The following ADAMTS2 variants were observed in gnomAD, a reference collection of about 807,000 sequenced individuals.
The protein encoded by ADAMTS2 is ADAM metallopeptidase with thrombospondin type 1 motif 2, also known as A disintegrin and metalloproteinase with thrombospondin motifs 2.
In ADAMTS2, 50 loss-of-function variants were observed where a neutral mutation model predicts 123.0. That is an observed-to-expected ratio of 0.41 (90% CI 0.32 to 0.51). The LOEUF (loss-of-function observed/expected upper bound fraction) is 0.51, where lower values mean the gene tolerates loss of function less well. Ranked by LOEUF, ADAMTS2 falls within the 20% of genes least tolerant of loss-of-function variation. ADAMTS2 has a pLI of 0.35. For missense variants in ADAMTS2, 1,494 were observed against 1,705.2 expected, an observed-to-expected ratio of 0.88 and a Z score of 2.18; for synonymous variants, 678 against 695.4, an observed-to-expected ratio of 0.98 and a Z score of 0.39.
chr5:179,216,702 G>A (rs1038426070), intron 3 of ADAMTS2, among the ~76,000 whole-genome samples: 4 of 152,246 alleles, frequency 2.6e-5, no homozygotes, highest in Admixed American at 1.3e-4. Context: ...GGGCAGTGCC[G>A]CCCTCTCCTT....
At position 179,189,725 on chromosome 5, in the gene ADAMTS2, A is replaced by C. The variant is rs539179807; in HGVS notation, c.892-8570T>G. 6.7e-6 allele frequency among the ~76,000 whole-genome samples: 1 copy of C among 150,354 alleles called. No homozygotes were observed. Among genetic ancestry groups the C allele is most frequent in the South Asian group, 2.1e-4 (1 of 4,714 alleles). On this transcript the variant is annotated intron_variant, in intron 4 of 21. Transcript: ENST00000251582. This position sits in a 1 kb window ranked among gnomAD's most constrained non-coding sequence, Gnocchi z 4.2. The stretch of plus-strand genomic sequence containing the variant: ...ATTCTCAAGGGCGGAAGAATATTAC[A>C]AAATATCTTCTTAAGGTAGGGGGGG...
intron 3 of ADAMTS2, among the ~76,000 whole-genome samples, chr5:179,226,327 C>T (rs1370636947): frequency 1.4e-5 from 2 of 147,324 alleles, no homozygotes; most frequent in East Asian, 2.1e-4. Flanking sequence ...AGTACAGTGG[C>T]GTGATCTCAG....
At chr5:179,149,620 G>A (rs1017695171) in intron 10 of ADAMTS2, among the ~76,000 whole-genome samples, 1 of 152,218 alleles carries the variant, frequency 6.6e-6, no homozygotes, top group African/African-American at 2.4e-5. Flanking sequence ...TGACCACTCA[G>A]GGTCCTTGCG....
intron 6 of ADAMTS2, among the ~76,000 whole-genome samples, chr5:179,156,966 T>G (rs536029037): frequency 6.9e-6 from 1 of 145,084 alleles, no homozygotes; most frequent in African/African-American, 2.5e-5. Context: ...TTTTTCTTTT[T>G]TTTTTTTTTT....
chr5:179,196,252 CA>C (rs112746849), intron 4 of ADAMTS2, among the ~76,000 whole-genome samples: 1 of 151,572 alleles, frequency 6.6e-6, no homozygotes, highest in Non-Finnish European at 1.5e-5. Context: ...ATCATTCATT[CA>C]AAAAAAACGG....
intron 5 of ADAMTS2, among the ~76,000 whole-genome samples, chr5:179,167,507 C>T (rs1763727520): frequency 6.6e-6 from 1 of 152,234 alleles, no homozygotes; most frequent in Non-Finnish European, 1.5e-5. Context: ...ATGCTCTTCC[C>T]TCCTTCAGTC....
At chr5:179,195,991 G>C (rs1426641078) in intron 4 of ADAMTS2, among the ~76,000 whole-genome samples, 3 of 152,194 alleles carry the variant, frequency 2.0e-5, no homozygotes, top group African/African-American at 7.2e-5. Context: ...CCTTCCGCCT[G>C]GCTGGTTTGC....
intron 2 of ADAMTS2, among the ~76,000 whole-genome samples, chr5:179,305,219 G>A (rs1209368539): frequency 6.6e-6 from 1 of 152,152 alleles, no homozygotes; most frequent in East Asian, 1.9e-4. Context: ...TCTTCAGACA[G>A]GGGGAAAATG....
chr5:179,163,961 C>G (rs550461423), intron 5 of ADAMTS2, among the ~76,000 whole-genome samples: 1 of 152,022 alleles, frequency 6.6e-6, no homozygotes, highest in East Asian at 1.9e-4. Flanking sequence ...GGAAGCTGCA[C>G]TGGGGCCAGG....
intron 2 of ADAMTS2, among the ~76,000 whole-genome samples, chr5:179,295,056 C>T (rs1756291681): frequency 6.6e-6 from 1 of 152,194 alleles, no homozygotes; most frequent in African/African-American, 2.4e-5. Context: ...AAAACCAGGC[C>T]TTGAGCACCC....
At chr5:179,297,593 C>G (rs1020889152) in intron 2 of ADAMTS2, among the ~76,000 whole-genome samples, 1 of 152,148 alleles carries the variant, frequency 6.6e-6, no homozygotes, top group African/African-American at 2.4e-5. Context: ...CCTCAAGACC[C>G]CGGCTTCCCT....
intron 2 of ADAMTS2, among the ~76,000 whole-genome samples, chr5:179,326,955 A>T (rs1378025465): frequency 1.3e-5 from 2 of 152,188 alleles, no homozygotes; most frequent in African/African-American, 2.4e-5. Flanking sequence ...AGAAACTCTC[A>T]GGTGCCTACA....
intron 2 of ADAMTS2, among the ~76,000 whole-genome samples, chr5:179,328,321 C>T (rs962843488): frequency 7.9e-5 from 12 of 152,292 alleles, no homozygotes; most frequent in East Asian, 7.7e-4. Context: ...CGTGAGCCAC[C>T]GCACCCGGCA....
At chr5:179,288,148 T>C (rs1444243282) in intron 2 of ADAMTS2, among the ~76,000 whole-genome samples, 1 of 140,672 alleles carries the variant, frequency 7.1e-6, no homozygotes, top group Non-Finnish European at 1.5e-5. Context: ...CACAGGCCCC[T>C]CTCAGGACCC....
chr5:179,327,468 G>A (rs954488205), intron 2 of ADAMTS2, among the ~76,000 whole-genome samples: 12 of 152,162 alleles, frequency 7.9e-5, no homozygotes, highest in South Asian at 2.1e-4. Flanking sequence ...GTGCATGCCC[G>A]GTGCACTGCT....
chr5:179,114,423 C>G, intron 21 of ADAMTS2, 99 bp from the exon 22 acceptor site: 1 of 1,227,710 alleles, frequency 8.1e-7, no homozygotes, highest in Non-Finnish European at 1.2e-6. Flanking sequence ...ATGGAAGAGC[C>G]CAGAGACAGC....
At position 179,224,185 on chromosome 5, in the gene ADAMTS2, A is replaced by G. The variant is rs114527908; in HGVS notation, c.689-16470T>C. ...GAGGGCGGCGTGAGGTCAGCGGGGCAGGTGGATGCTGTGCGCTTACTGCAG... is the reference window on the plus strand; with the variant it reads ...GAGGGCGGCGTGAGGTCAGCGGGGCGGGTGGATGCTGTGCGCTTACTGCAG... On this transcript the variant is annotated intron_variant, in intron 3 of 21. Transcript: ENST00000251582. 2.5e-3 allele frequency among the ~76,000 whole-genome samples: 380 copies of G among 152,302 alleles called. 3 individuals carry two copies. Among genetic ancestry groups the G allele is most frequent in the African/African-American group, 8.8e-3 (367 of 41,574 alleles).
intron 2 of ADAMTS2, among the ~76,000 whole-genome samples, chr5:179,340,151 A>T (rs975726407): frequency 6.6e-6 from 1 of 152,364 alleles, no homozygotes; most frequent in African/African-American, 2.4e-5. Context: ...GGAAGGGCAT[A>T]CACTTCCTCC....
At chr5:179,275,741 G>A (rs947709282) in intron 2 of ADAMTS2, among the ~76,000 whole-genome samples, 18 of 152,232 alleles carry the variant, frequency 1.2e-4, no homozygotes, top group Middle Eastern at 3.2e-3. Context: ...CAGCCCTGCC[G>A]ATGCCTGGAT....
Sources: gnomAD v4.1 joint callset for allele counts (sites outside exome capture counted in the v4.1 genomes callset) on GRCh38, gnomAD v4.1.1 for gene constraint, Gnocchi (gnomAD v3.1) non-coding constraint, MANE v1.5 for transcripts, NCBI Gene and HGNC (gene_info 2026-07-23, HGNC 2026-07-21) for gene names.